The following PARD6G variants were observed in gnomAD, a reference collection of about 807,000 sequenced individuals.
The protein encoded by PARD6G is partitioning defective 6 homolog gamma.
PARD6G carries 7 observed loss-of-function variants against 10.7 expected under a neutral mutation model. That is an observed-to-expected ratio of 0.66 (90% CI 0.37 to 1.23). The LOEUF (loss-of-function observed/expected upper bound fraction) is 1.23, where lower values mean the gene tolerates loss of function less well. PARD6G is among the 50% of genes most tolerant of loss of function. PARD6G has a pLI of 0.02. For missense variants in PARD6G, 548 were observed against 571.8 expected, an observed-to-expected ratio of 0.96 and a Z score of 0.42; for synonymous variants, 287 against 269.4, an observed-to-expected ratio of 1.07 and a Z score of -0.64.
At chr18:80,193,228 G>A (rs1021319510) in intron 2 of PARD6G, among the ~76,000 whole-genome samples, 19 of 152,128 alleles carry the variant, frequency 1.2e-4, no homozygotes, top group African/African-American at 4.6e-4. Context: ...GTACACAGGC[G>A]CTGGGAGAAG....
Position 80,161,812 on chromosome 18 carries a change from C to G in PARD6G, c.296-1206G>C, listed in dbSNP as rs1323287682. The stretch of plus-strand genomic sequence containing the variant: ...AGCAATGCCATAAACAGGCGCTCCT[C>G]AGAGCAGAGACCTCCAGGCTCCAGG... On this transcript the variant is annotated intron_variant, in intron 2 of 2. Coordinates refer to ENST00000353265, the MANE Select transcript of PARD6G (RefSeq NM_032510.4). The surrounding 1 kb of genome is among the most constrained non-coding windows in gnomAD (Gnocchi z 4.6). The G allele has an allele frequency of 6.6e-6, 1 of 152,200 alleles. No homozygotes were observed. The highest frequency in any genetic ancestry group is 1.5e-5 in the Non-Finnish European group (1 of 68,064). 9.4% of individuals were successfully genotyped at this position (152,200 alleles called of 1,614,324 possible).
chr18:80,232,094 C>T (rs1248608925), intron 1 of PARD6G, among the ~76,000 whole-genome samples: 1 of 152,208 alleles, frequency 6.6e-6, no homozygotes, highest in Non-Finnish European at 1.5e-5. Context: ...TTTAGTAATT[C>T]CATGAGTGAA....
intron 1 of PARD6G, among the ~76,000 whole-genome samples, chr18:80,242,079 G>A (rs1326938233): frequency 6.6e-6 from 1 of 152,292 alleles, no homozygotes; most frequent in South Asian, 2.1e-4. Flanking sequence ...CACCTGGAAG[G>A]CCATCAGAGT....
chr18:80,244,949 C>T (rs1306017635), intron 1 of PARD6G, among the ~76,000 whole-genome samples: 1 of 152,158 alleles, frequency 6.6e-6, no homozygotes, highest in Non-Finnish European at 1.5e-5. Flanking sequence ...AGCCCCATCA[C>T]GGTGGGGAGG....
intron 1 of PARD6G, among the ~76,000 whole-genome samples, chr18:80,203,902 A>T (rs1967032653): frequency 6.6e-6 from 1 of 152,234 alleles, no homozygotes; most frequent in Non-Finnish European, 1.5e-5. Flanking sequence ...GGGAGACAGG[A>T]TGATGGTCTG....
At chr18:80,230,679 A>G (rs940704613) in intron 1 of PARD6G, among the ~76,000 whole-genome samples, 3 of 152,156 alleles carry the variant, frequency 2.0e-5, no homozygotes, top group African/African-American at 7.2e-5. Flanking sequence ...TGGTTCATGC[A>G]TGTGTTCTGG....
Position 80,160,523 on chromosome 18 carries a change from G to T in PARD6G, c.379C>A (p.Arg127=), listed in dbSNP as rs1222748615. 1 of 1,518,792 alleles carries T rather than the reference G, an allele frequency of 6.6e-7. No homozygotes were observed. The highest frequency in any genetic ancestry group is 1.8e-4 in the Middle Eastern group (1 of 5,678). 94.1% of individuals were successfully genotyped at this position (1,518,792 alleles called of 1,614,324 possible). Residue 127 remains arginine (R), a synonymous_variant, in exon 3 of 3, where the codon CGG becomes AGG. Coordinates refer to ENST00000353265, the MANE Select transcript of PARD6G (RefSeq NM_032510.4). ...ALGALRDEGP[R]RRAHLDIGLP... is the part of the protein sequence containing the mutation. ...CCGATGTCCAGGTGTGCACGCCGCC[G>T]GGGTCCTTCATCACGCAGCGCGCCC...
rs1242872914 is a variant in PARD6G at position 80,231,058 on chromosome 18, A to C, written c.72+16219T>G. Among the ~76,000 whole-genome samples, 2 of 152,110 alleles carry C rather than the reference A, an allele frequency of 1.3e-5. No individual in the cohort carries two copies. Among genetic ancestry groups the C allele is most frequent in the Non-Finnish European group, 2.9e-5 (2 of 67,972 alleles). Reference sequence around the variant, plus strand: ...GAGAATTCCAAATGGAAGGTCAGGGACAAGGGGTGCCCTTTGTGAGAAGGA... The same window carrying C: ...GAGAATTCCAAATGGAAGGTCAGGGCCAAGGGGTGCCCTTTGTGAGAAGGA... On this transcript the variant is annotated intron_variant, in intron 1 of 2. Coordinates refer to ENST00000353265, the MANE Select transcript of PARD6G (RefSeq NM_032510.4). The surrounding 1 kb of genome is among the most constrained non-coding windows in gnomAD (Gnocchi z 4.2).
chr18:80,197,122 C>G (rs571688684), intron 2 of PARD6G, among the ~76,000 whole-genome samples: 2 of 152,080 alleles, frequency 1.3e-5, no homozygotes, highest in African/African-American at 2.4e-5. Flanking sequence ...AGGCGGTGTC[C>G]GAGGAAAGAG....
intron 2 of PARD6G, chr18:80,170,668 G>T (rs993644346): frequency 1.3e-5 from 2 of 152,288 alleles, no homozygotes; most frequent in African/African-American, 2.4e-5. Context: ...GTGAGGGGCA[G>T]CCTCAACCAA....
rs376004702 is a variant in PARD6G, at chr18:80,180,021, C to T, written c.296-19415G>A. Among the ~76,000 whole-genome samples the T allele has an allele frequency of 1.1e-4, 16 of 152,202 alleles. No homozygotes were observed. Among genetic ancestry groups the T allele is most frequent in the East Asian group, 1.9e-4 (1 of 5,192 alleles). On this transcript the variant is annotated intron_variant, in intron 2 of 2. Transcript: ENST00000353265. The surrounding 1 kb of genome is among the most constrained non-coding windows in gnomAD (Gnocchi z 5.6). ...CTCTGTCTAGGGGGGCAGAGCCTGA[C>T]GGGAACGCCCCATTGTGCCTCAGAA...
intron 1 of PARD6G, among the ~76,000 whole-genome samples, chr18:80,242,939 A>G (rs1161243974): frequency 6.6e-6 from 1 of 152,204 alleles, no homozygotes; most frequent in Non-Finnish European, 1.5e-5. Context: ...AGATGAATGA[A>G]TAGATATGAA....
In PARD6G at chr18:80,182,885, T is replaced by C. The variant is rs2052855127; in HGVS notation, c.295+19825A>G. 3 of 524,482 alleles carry C rather than the reference T, an allele frequency of 5.7e-6. No homozygotes were observed. The highest frequency in any genetic ancestry group is 6.8e-6 in the Non-Finnish European group (2 of 295,618). The allele number at this position is 524,482 out of a possible 1,614,324, so 32.5% of individuals were successfully genotyped here. A position where few individuals can be genotyped will look rare whatever the true frequency, so the allele number is the denominator to read the frequency against. On this transcript the variant is annotated intron_variant, in intron 2 of 2. Coordinates refer to ENST00000353265, the MANE Select transcript of PARD6G (RefSeq NM_032510.4). This position sits in a 1 kb window ranked among gnomAD's most constrained non-coding sequence, Gnocchi z 4.5. ...ATGTTATAGTTTTATTTCTTAGTTC[T>C]AGGTACAGGGCTAGATGTTTGGCTG...
rs569142066 is a variant in PARD6G, at chr18:80,214,229, G to A, written c.73-11297C>T. Among the ~76,000 whole-genome samples the A allele has an allele frequency of 3.9e-4, 60 of 152,290 alleles. 1 individual carries two copies. The East Asian group carries it at 7.7e-3, about 20-fold the overall frequency. ...TCCCAGCACTTTGGGAGGCCGAGGCGAGTGGATCACGAGATGTCAGGAGTT... is the reference window on the plus strand; with the variant it reads ...TCCCAGCACTTTGGGAGGCCGAGGCAAGTGGATCACGAGATGTCAGGAGTT... On this transcript the variant is annotated intron_variant, in intron 1 of 2. Transcript: ENST00000353265.
At chr18:80,209,889 C>T (rs1194757607) in intron 1 of PARD6G, among the ~76,000 whole-genome samples, 1 of 152,156 alleles carries the variant, frequency 6.6e-6, no homozygotes, top group Non-Finnish European at 1.5e-5. Flanking sequence ...ATGATAACAT[C>T]ATTATACTAT....
chr18:80,244,428 C>T (rs372787538), intron 1 of PARD6G, among the ~76,000 whole-genome samples: 2 of 152,136 alleles, frequency 1.3e-5, no homozygotes, highest in Non-Finnish European at 2.9e-5. Flanking sequence ...GCCCCTCGCG[C>T]ACACACACCA....
intron 2 of PARD6G, among the ~76,000 whole-genome samples, chr18:80,172,034 G>T (rs915078680): frequency 6.6e-6 from 1 of 152,204 alleles, no homozygotes; most frequent in Non-Finnish European, 1.5e-5. Context: ...GTGTGGACAC[G>T]TTTTCCCTTC....
intron 2 of PARD6G, among the ~76,000 whole-genome samples, chr18:80,177,832 A>T (rs1365876299): frequency 6.6e-6 from 1 of 151,830 alleles, no homozygotes; most frequent in Non-Finnish European, 1.5e-5. Context: ...CACACACAGG[A>T]AAAATCGCAG....
chr18:80,178,105 C>T (rs2052826732), intron 2 of PARD6G: 1 of 167,102 alleles, frequency 6.0e-6, no homozygotes, highest in Non-Finnish European at 1.5e-5. Context: ...TGGTTTGCTC[C>T]TAAGACCCAC....
Sources: gnomAD v4.1 joint callset for allele counts (sites outside exome capture counted in the v4.1 genomes callset) on GRCh38, gnomAD v4.1.1 for gene constraint, Gnocchi (gnomAD v3.1) non-coding constraint, MANE v1.5 for transcripts, NCBI Gene and HGNC (gene_info 2026-07-23, HGNC 2026-07-21) for gene names.